The following IL21R variants were observed in gnomAD, a reference collection of about 807,000 sequenced individuals.
IL21R encodes the protein interleukin-21 receptor.
A neutral mutation model predicts 41.3 loss-of-function variants in IL21R; 14 were observed. That is an observed-to-expected ratio of 0.34 (90% CI 0.22 to 0.53). The LOEUF is 0.53. Ranked by LOEUF, IL21R falls within the 20% of genes least tolerant of loss-of-function variation. The pLI is 0.94. For synonymous variants in IL21R, 286 were observed against 287.6 expected (o/e 0.99, Z 0.05); for missense variants, 588 against 681.6 (o/e 0.86, Z 1.53).
chr16:27,448,179 GCA>G (rs1321053973), intron 8 of IL21R: 1 of 222,016 alleles, frequency 4.5e-6, no homozygotes, highest in African/African-American at 2.3e-5. Context: ...CCTTGGCTGG[GCA>G]CAGTGACTCA....
rs549486631 is a variant in IL21R at position 27,440,285 on chromosome 16, CAA to C, written c.352+2599_352+2600del. Among the ~76,000 whole-genome samples the C allele has an allele frequency of 8.5e-3, 782 of 92,238 alleles. 14 individuals carry two copies. Among genetic ancestry groups the C allele is most frequent in the African/African-American group, 0.031 (558 of 18,106 alleles). 60.5% of individuals were successfully genotyped at this position (92,238 alleles called of 152,430 possible). On this transcript the variant is annotated intron_variant, in intron 4 of 8. Coordinates refer to ENST00000337929, the MANE Select transcript of IL21R (RefSeq NM_181078.3). ...GAGAGAGAGAGAGAGAGAGAGCGAG[CAA>C]GCGCGCGCCAGGGTGTAGCTTTGTC... is the stretch of plus-strand genomic sequence containing the variant.
In IL21R at chr16:27,444,666, AG is replaced by A; in HGVS notation, c.636del (p.Thr213ProfsTer18). ...RAGPMPGSSY[Q>X]GTWSEWSDPV... ...GGGCCCATGCCTGGCTCCTCCTACC[AG>A]GGGACCTGGAGTGAATGGAGTGACC... On this transcript the variant is annotated frameshift_variant, in exon 6 of 9. Transcript: ENST00000337929. LOFTEE classifies it high-confidence loss of function. 6.4e-7 allele frequency: 1 copy of A among 1,574,750 alleles called. No homozygotes were observed. The highest frequency in any genetic ancestry group is 8.6e-7 in the Non-Finnish European group (1 of 1,160,736).
chr16:27,411,623 T>C (rs766810301), intron 1 of IL21R, among the ~76,000 whole-genome samples: 5 of 151,916 alleles, frequency 3.3e-5, no homozygotes, highest in Non-Finnish European at 5.9e-5. Flanking sequence ...CCACCATGCC[T>C]GGCTAATTTT....
intron 4 of IL21R, among the ~76,000 whole-genome samples, chr16:27,441,134 A>C (rs541831255): frequency 6.6e-6 from 1 of 151,892 alleles, no homozygotes; most frequent in Non-Finnish European, 1.5e-5. Context: ...GAAGGAGAAC[A>C]AAAAAAGAAA....
rs3093369 is a variant in IL21R, at chr16:27,444,565, A to G, written c.531A>G (p.Ser177=). ...WAVSPRRKLI[S]VDSRSVSLLP... is the part of the protein sequence containing the mutation. Reference sequence around the variant, plus strand: ...AGAGTCCGAGGAGAAAGCTGATCTCAGTGGACTCAAGAAGTGTCTCCCTCC... The same window carrying G: ...AGAGTCCGAGGAGAAAGCTGATCTCGGTGGACTCAAGAAGTGTCTCCCTCC... The change falls in exon 6 of 9, where the codon TCA becomes TCG. Residue 177 remains serine (S), a synonymous_variant. Coordinates refer to ENST00000337929, the MANE Select transcript of IL21R (RefSeq NM_181078.3). 2.1e-3 allele frequency: 3,283 copies of G among 1,538,416 alleles called. 79 individuals are homozygous for G. The African/African-American group carries it at 0.038, about 18-fold the overall frequency.
intron 4 of IL21R, among the ~76,000 whole-genome samples, chr16:27,440,246 TATAGAGAGAGAGAG>T (rs2087359137): frequency 1.3e-5 from 1 of 78,626 alleles, no homozygotes; most frequent in East Asian, 2.8e-4. Context: ...TATATATATA[TATAGAGAGAGAGAG>T]AGAGAGAGAG....
In IL21R at chr16:27,451,144, G is replaced by C. The variant is rs1330089064; in HGVS notation, c.*1861G>C. The C allele has an allele frequency of 4.3e-6, 1 of 232,364 alleles. No individual in the cohort carries two copies. The highest frequency in any genetic ancestry group is 2.2e-5 in the African/African-American group (1 of 45,284). 14.4% of individuals were successfully genotyped at this position (232,364 alleles called of 1,614,324 possible). ...GCAGCCCTCAACACCCCGTGCACCT[G>C]CACCCTAGGGACTCTTGGGTCCAGA... On this transcript the variant is annotated 3_prime_UTR_variant, in exon 9 of 9. Coordinates refer to ENST00000337929, the MANE Select transcript of IL21R (RefSeq NM_181078.3).
intron 1 of IL21R, among the ~76,000 whole-genome samples, chr16:27,407,312 C>T (rs1157831498): frequency 6.6e-6 from 1 of 152,160 alleles, no homozygotes; most frequent in Non-Finnish European, 1.5e-5. Flanking sequence ...AAAACGATTC[C>T]TCATCTTACA....
intron 5 of IL21R, chr16:27,443,960 C>CT (rs1012675687): frequency 6.6e-6 from 1 of 151,948 alleles, no homozygotes; most frequent in Non-Finnish European, 1.5e-5. Context: ...ATTGCCCATC[C>CT]TTTAGGATAG....
At chr16:27,410,707 T>C (rs2086810701) in intron 1 of IL21R, among the ~76,000 whole-genome samples, 1 of 152,168 alleles carries the variant, frequency 6.6e-6, no homozygotes, top group Non-Finnish European at 1.5e-5. Context: ...CCTTAACAAT[T>C]TTTAGATGTG....
intron 1 of IL21R, among the ~76,000 whole-genome samples, chr16:27,424,530 T>A (rs752122400): frequency 6.6e-6 from 1 of 151,968 alleles, no homozygotes; most frequent in Non-Finnish European, 1.5e-5. Flanking sequence ...AACTGGTGGA[T>A]AAATGCACCT....
intron 3 of IL21R, 65 bp downstream of exon 3, chr16:27,434,514 C>T (rs1470490758): frequency 7.1e-6 from 7 of 990,664 alleles, no homozygotes; most frequent in Non-Finnish European, 9.5e-6. Context: ...GTGATTCCCC[C>T]AGGAGGACAC....
chr16:27,434,262 C>T (rs1309906151), intron 2 of IL21R, 85 bp from the exon 3 acceptor site: 32 of 869,508 alleles, frequency 3.7e-5, no homozygotes, highest in Non-Finnish European at 5.4e-5. Context: ...ACCCATTCTT[C>T]CTCCAGCCCT....
chr16:27,415,262 C>T (rs2086880266), intron 1 of IL21R, among the ~76,000 whole-genome samples: 1 of 152,146 alleles, frequency 6.6e-6, no homozygotes, highest in African/African-American at 2.4e-5. Flanking sequence ...CCACTGTGCC[C>T]AGATCAGCTG....
At chr16:27,427,552 G>C (rs186645241) in intron 1 of IL21R, among the ~76,000 whole-genome samples, 2 of 152,182 alleles carry the variant, frequency 1.3e-5, no homozygotes, top group African/African-American at 2.4e-5. Context: ...CACAGCACCC[G>C]GCTAACTTAT....
chr16:27,439,289 G>T (rs2087331468), intron 4 of IL21R, among the ~76,000 whole-genome samples: 2 of 151,774 alleles, frequency 1.3e-5, no homozygotes, highest in African/African-American at 4.8e-5. Context: ...CAGCCTGCAT[G>T]GCATGGACAC....
At chr16:27,434,314 C>A in intron 2 of IL21R, 33 bp from the exon 3 acceptor site, 3 of 1,405,140 alleles carry the variant, frequency 2.1e-6, no homozygotes, top group Non-Finnish European at 3.0e-6. Flanking sequence ...AAGCCACCCC[C>A]CACCAAGGCC....
intron 2 of IL21R, among the ~76,000 whole-genome samples, chr16:27,432,307 A>C (rs1402585048): frequency 6.6e-6 from 1 of 152,226 alleles, no homozygotes; most frequent in African/African-American, 2.4e-5. Flanking sequence ...TCCGGCTTAC[A>C]CATGGGGAGG....
rs750790130 is a variant in IL21R, at chr16:27,448,579, C to T, written c.913C>T (p.Pro305Ser). The T allele has an allele frequency of 2.5e-6, 4 of 1,611,946 alleles. No homozygotes were observed. The highest frequency in any genetic ancestry group is 2.2e-5 in the East Asian group (1 of 44,892). ...CACTGGCTCCAGCCTGGAGCTGGGACCCTGGAGCCCAGAGGTGCCCTCCAC... is the reference window on the plus strand; with the variant it reads ...CACTGGCTCCAGCCTGGAGCTGGGATCCTGGAGCCCAGAGGTGCCCTCCAC... ...PFTGSSLELG[P>S]WSPEVPSTLE... Residue 305 changes from proline to serine, a missense_variant, in exon 9 of 9, where the codon CCC (proline) becomes TCC (serine). Pro to Ser is a moderately conservative substitution (Grantham distance 74, BLOSUM62 -1). Transcript: ENST00000337929.
Sources: allele counts gnomAD v4.1 joint callset (sites outside exome capture counted in the v4.1 genomes callset), GRCh38; gene constraint gnomAD v4.1.1; transcripts MANE v1.5; gene names NCBI Gene and HGNC (gene_info 2026-07-23, HGNC 2026-07-21).